The following TRIP11 variants were observed in gnomAD, a reference collection of about 807,000 sequenced individuals.
TRIP11 encodes the protein thyroid hormone receptor interactor 11, also known as thyroid receptor-interacting protein 11.
A neutral mutation model predicts 223.1 loss-of-function variants in TRIP11; 148 were observed. The ratio of observed to expected loss-of-function variants is 0.66; its 90% CI spans 0.58 to 0.76. The LOEUF is 0.76. TRIP11 is among the 30% of genes least tolerant of loss of function. The probability of loss-of-function intolerance (pLI) is 0.00; values close to 1 mark genes in which losing one functional copy is unlikely to be tolerated. For synonymous variants in TRIP11, 762 were observed against 772.6 expected, an observed-to-expected ratio of 0.99 and a Z score of 0.23; for missense variants, 2,043 against 2,222.0, an observed-to-expected ratio of 0.92 and a Z score of 1.62.
intron 5 of TRIP11, 84 bp downstream of exon 5, chr14:92,017,598 G>T: frequency 9.6e-7 from 1 of 1,038,540 alleles, no homozygotes; most frequent in South Asian, 1.3e-5. Context: ...TTTTATAACT[G>T]AGACTTTTAC....
In TRIP11 at chr14:91,969,388, T is replaced by A. The variant is rs866665280; in HGVS notation, c.*285A>T. The A allele has an allele frequency of 5.6e-5, 24 of 430,808 alleles. No individual in the cohort carries two copies. The highest frequency in any genetic ancestry group is 1.3e-3 in the Middle Eastern group (2 of 1,564). 26.7% of individuals were successfully genotyped at this position (430,808 alleles called of 1,614,324 possible). A position where few individuals can be genotyped will look rare whatever the true frequency, so the allele number is the denominator to read the frequency against. Reference sequence around the variant, plus strand: ...AAAAGCTGCCATATAGCTACTAGTATTTTTGTCTGTCTGTATTTTTGTAAA... The same window carrying A: ...AAAAGCTGCCATATAGCTACTAGTAATTTTGTCTGTCTGTATTTTTGTAAA... On this transcript the variant is annotated 3_prime_UTR_variant, in exon 21 of 21. Coordinates refer to ENST00000267622, the MANE Select transcript of TRIP11 (RefSeq NM_004239.4).
Position 92,004,032 on chromosome 14 carries a change from T to C in TRIP11, c.3944A>G (p.Gln1315Arg), listed in dbSNP as rs1399590139. ...AGTAAGCAATGATGCAGAAGACAGC[T>C]GGGGTGAAATAATATCAAGTTTTCC... ...LLGKLDIISPQLSSASLLTPQ... is the reference protein window; with the variant it reads ...LLGKLDIISPRLSSASLLTPQ... Residue 1315 changes from glutamine (Q) to arginine (R), a missense_variant, in exon 11 of 21, where the codon CAG becomes CGG. Physicochemically the swap from Gln to Arg is conservative, Grantham distance 43 (BLOSUM62 1). Transcript: ENST00000267622. 1 of 1,614,056 alleles carries C rather than the reference T, an allele frequency of 6.2e-7. No individual in the cohort carries two copies. Among genetic ancestry groups the C allele is most frequent in the Non-Finnish European group, 8.5e-7 (1 of 1,180,038 alleles).
intron 1 of TRIP11, among the ~76,000 whole-genome samples, chr14:92,039,037 G>A (rs746930690): frequency 3.9e-5 from 6 of 151,958 alleles, no homozygotes; most frequent in Non-Finnish European, 5.9e-5. Flanking sequence ...ATCACAATAA[G>A]GAAAAGTAAA....
chr14:92,010,328 T>G (rs1177888581), intron 9 of TRIP11, among the ~76,000 whole-genome samples: 1 of 152,030 alleles, frequency 6.6e-6, no homozygotes, highest in East Asian at 1.9e-4. Flanking sequence ...GTCGGGAGTT[T>G]GAGACCACCC....
intron 15 of TRIP11, among the ~76,000 whole-genome samples, chr14:91,991,341 A>G (rs2056669155): frequency 1.3e-5 from 2 of 152,166 alleles, no homozygotes; most frequent in Admixed American, 1.3e-4. Flanking sequence ...TCCAGAACCC[A>G]TGAGCTACTA....
intron 11 of TRIP11, among the ~76,000 whole-genome samples, chr14:92,001,799 G>C (rs945619416): frequency 1.3e-5 from 2 of 152,200 alleles, no homozygotes; most frequent in African/African-American, 4.8e-5. Flanking sequence ...ATTTGGGCTA[G>C]TGAACAATAG....
At chr14:91,991,117 C>A (rs183072030) in intron 15 of TRIP11, among the ~76,000 whole-genome samples, 1 of 152,188 alleles carries the variant, frequency 6.6e-6, no homozygotes. Flanking sequence ...GAGGTAGGGC[C>A]TGATGGGAGG....
At chr14:91,984,673 A>G (rs1388557208) in intron 16 of TRIP11, among the ~76,000 whole-genome samples, 1 of 152,176 alleles carries the variant, frequency 6.6e-6, no homozygotes, top group Non-Finnish European at 1.5e-5. Flanking sequence ...AACAAGAAGG[A>G]AAGGAAAATG....
At chr14:92,036,552 G>A (rs529471620) in intron 1 of TRIP11, among the ~76,000 whole-genome samples, 7 of 152,284 alleles carry the variant, frequency 4.6e-5, no homozygotes, top group African/African-American at 1.7e-4. Context: ...AAAAGCCCAA[G>A]CTCCTAACCT....
intron 19 of TRIP11, among the ~76,000 whole-genome samples, chr14:91,973,435 T>C (rs372695023): frequency 1.3e-5 from 2 of 152,326 alleles, no homozygotes; most frequent in South Asian, 2.1e-4. Flanking sequence ...ATTAGCCAAC[T>C]GATAATACTT....
At chr14:92,018,366 G>A (rs1384485421) in intron 4 of TRIP11, among the ~76,000 whole-genome samples, 1 of 151,958 alleles carries the variant, frequency 6.6e-6, no homozygotes, top group African/African-American at 2.4e-5. Flanking sequence ...GCTGGGATTA[G>A]ACATGAACCA....
chr14:92,030,968 AGGCTGGGCATGT>A (rs2057257657), intron 2 of TRIP11, among the ~76,000 whole-genome samples: 1 of 136,996 alleles, frequency 7.3e-6, no homozygotes, highest in African/African-American at 2.9e-5. Flanking sequence ...ATCAAGAACC[AGGCTGGGCATGT>A]GGCTCATGCC....
rs1566872191 is a variant in TRIP11, at chr14:92,025,291, TA to T, written c.312+18del. On this transcript the variant is annotated intron_variant, in intron 3 of 20. Transcript: ENST00000267622. ...ACATTACAGTGAAGTACATATGAAG[TA>T]ACTGTGATAACATTTACCTCTTTTT... 6.4e-7 allele frequency: 1 copy of T among 1,557,312 alleles called. No homozygotes were observed. Among genetic ancestry groups the T allele is most frequent in the Non-Finnish European group, 8.9e-7 (1 of 1,129,276 alleles).
At chr14:91,982,212 C>T in intron 16 of TRIP11, among the ~76,000 whole-genome samples, 1 of 152,112 alleles carries the variant, frequency 6.6e-6, no homozygotes, top group Non-Finnish European at 1.5e-5. Context: ...CCTCACCATT[C>T]TCTTCCTTTA....
At chr14:91,995,753 T>C (rs1314362762) in intron 13 of TRIP11, among the ~76,000 whole-genome samples, 1 of 151,742 alleles carries the variant, frequency 6.6e-6, no homozygotes, top group African/African-American at 2.4e-5. Flanking sequence ...GTAGCTGGGG[T>C]TATAGGCGTG....
At chr14:92,020,242 ACT>A (rs1804435977) in intron 4 of TRIP11, among the ~76,000 whole-genome samples, 1 of 151,258 alleles carries the variant, frequency 6.6e-6, no homozygotes, top group South Asian at 2.1e-4. Context: ...ACAGACTGAG[ACT>A]CTCTCTCAAA....
chr14:92,038,026 GATT>G (rs1234000246), intron 1 of TRIP11, among the ~76,000 whole-genome samples: 3 of 152,178 alleles, frequency 2.0e-5, no homozygotes, highest in Non-Finnish European at 4.4e-5. Flanking sequence ...CCCTGGGAAA[GATT>G]ATAGGGATCT....
chr14:92,026,009 C>T (rs1801177772), intron 2 of TRIP11, among the ~76,000 whole-genome samples: 1 of 152,182 alleles, frequency 6.6e-6, no homozygotes, highest in South Asian at 2.1e-4. Flanking sequence ...ATCAATGTTT[C>T]CCCATCTTTG....
In TRIP11 at chr14:92,039,802, C is replaced by T; in HGVS notation, c.-117G>A. ...GCCTTCGCGAGACAGGATACGATAA[C>T]ACAAAGCTGGGTTCTCAGGCAAGGC... On this transcript the variant is annotated 5_prime_UTR_variant, in exon 1 of 21. Coordinates refer to ENST00000267622, the MANE Select transcript of TRIP11 (RefSeq NM_004239.4). 4.5e-6 allele frequency: 7 copies of T among 1,547,136 alleles called. No individual in the cohort carries two copies. The East Asian group carries it at 7.3e-5, about 16-fold the overall frequency.
Sources: allele counts gnomAD v4.1 joint callset (sites outside exome capture counted in the v4.1 genomes callset), GRCh38; gene constraint gnomAD v4.1.1; transcripts MANE v1.5; gene names NCBI Gene and HGNC (gene_info 2026-07-23, HGNC 2026-07-21).